NEDD4L: variants seen among roughly 807,000 people sequenced by gnomAD.
NEDD4L encodes NEDD4 like E3 ubiquitin protein ligase.
Under a neutral mutation model 148.9 loss-of-function variants are expected in NEDD4L, and 54 were observed. The observed-to-expected ratio is 0.36, with a 90% CI of 0.29 to 0.45. NEDD4L has a LOEUF of 0.45. Among genes scored for constraint, NEDD4L ranks in the 20% least tolerant of loss-of-function variants. NEDD4L has a pLI of 1.00. For synonymous variants in NEDD4L, 433 were observed against 440.7 expected, an observed-to-expected ratio of 0.98 and a Z score of 0.22; for missense variants, 856 against 1,233.8, an observed-to-expected ratio of 0.69 and a Z score of 4.59.
chr18:58,323,395 A>C, intron 8 of NEDD4L, 61 bp downstream of exon 8: 6 of 890,614 alleles, frequency 6.7e-6, no homozygotes, highest in Non-Finnish European at 1.1e-5. Context: ...TTTTGCTTTC[A>C]AACTTTATAA....
intron 6 of NEDD4L, among the ~76,000 whole-genome samples, chr18:58,317,481 T>G (rs2058397893): frequency 6.6e-6 from 1 of 152,150 alleles, no homozygotes. Context: ...AAAAACCACA[T>G]CTTGGCCAGG....
chr18:58,288,428 TTATG>T (rs1482957800), intron 5 of NEDD4L, among the ~76,000 whole-genome samples: 4 of 152,214 alleles, frequency 2.6e-5, no homozygotes, highest in Non-Finnish European at 5.9e-5. Flanking sequence ...ATCAGACAGT[TTATG>T]TAAGACTTTA....
At chr18:58,327,501 T>C (rs924782310) in intron 9 of NEDD4L, among the ~76,000 whole-genome samples, 4 of 152,228 alleles carry the variant, frequency 2.6e-5, no homozygotes, top group South Asian at 2.1e-4. Context: ...AGGGAGAGGC[T>C]GAGCCAGGAA....
chr18:58,376,534 A>G (rs976851097), intron 24 of NEDD4L, among the ~76,000 whole-genome samples: 7 of 152,176 alleles, frequency 4.6e-5, no homozygotes, highest in Admixed American at 2.6e-4. Flanking sequence ...TATCCAGTCC[A>G]TCAGCGAGTT....
At chr18:58,237,511 G>A (rs1240569309) in intron 2 of NEDD4L, among the ~76,000 whole-genome samples, 1 of 152,098 alleles carries the variant, frequency 6.6e-6, no homozygotes, top group African/African-American at 2.4e-5. Context: ...GGTGACTGAA[G>A]GGATATTTCA....
chr18:58,092,706 G>A (rs981045044), intron 1 of NEDD4L, among the ~76,000 whole-genome samples: 2 of 151,610 alleles, frequency 1.3e-5, no homozygotes, highest in African/African-American at 2.4e-5. Context: ...AGAAGAGTTC[G>A]TGTAAGAGCA....
chr18:58,062,501 C>A (rs2144714978), intron 1 of NEDD4L, among the ~76,000 whole-genome samples: 1 of 152,200 alleles, frequency 6.6e-6, no homozygotes, highest in Non-Finnish European at 1.5e-5. Context: ...CAGATTAATA[C>A]AAAATCTGGT....
intron 6 of NEDD4L, among the ~76,000 whole-genome samples, chr18:58,321,000 A>C (rs1330568770): frequency 6.6e-6 from 1 of 152,178 alleles, no homozygotes; most frequent in Non-Finnish European, 1.5e-5. Flanking sequence ...TACTTCATTC[A>C]ATGATAGTGA....
intron 5 of NEDD4L, among the ~76,000 whole-genome samples, chr18:58,278,885 T>A (rs952321808): frequency 4.6e-5 from 7 of 152,226 alleles, no homozygotes; most frequent in Admixed American, 3.3e-4. Flanking sequence ...TTATTTATTT[T>A]TTTTGGGATA....
intron 1 of NEDD4L, among the ~76,000 whole-genome samples, chr18:58,094,704 A>G (rs1258028318): frequency 6.6e-6 from 1 of 151,006 alleles, no homozygotes; most frequent in Non-Finnish European, 1.5e-5. Flanking sequence ...GATGGCCCCA[A>G]CATCATTTTG....
At position 58,142,434 on chromosome 18, in the gene NEDD4L, C is replaced by T. The variant is rs182664586; in HGVS notation, c.49-23354C>T. On this transcript the variant is annotated intron_variant, in intron 1 of 30. Transcript: ENST00000400345. ...AACCTATGTAATTTTCTTCAGCTTT[C>T]AGAAGGAATGTCTTGTATCTTCCTA... 3.6e-3 allele frequency among the ~76,000 whole-genome samples: 545 copies of T among 152,242 alleles called. 3 individuals are homozygous for T. The highest frequency in any genetic ancestry group is 6.0e-3 in the Non-Finnish European group (405 of 68,020).
intron 2 of NEDD4L, among the ~76,000 whole-genome samples, chr18:58,225,485 T>G (rs1364078435): frequency 2.6e-5 from 4 of 152,254 alleles, no homozygotes; most frequent in Non-Finnish European, 5.9e-5. Flanking sequence ...TTTGTTATGC[T>G]TGCGCACATC....
At chr18:58,377,366 A>T (rs2047700469) in intron 24 of NEDD4L, among the ~76,000 whole-genome samples, 1 of 152,210 alleles carries the variant, frequency 6.6e-6, no homozygotes, top group Non-Finnish European at 1.5e-5. Flanking sequence ...ACAGACATGC[A>T]GTCAGCCTTC....
At chr18:58,252,870 G>A (rs2048095045) in intron 5 of NEDD4L, among the ~76,000 whole-genome samples, 1 of 152,026 alleles carries the variant, frequency 6.6e-6, no homozygotes, top group African/African-American at 2.4e-5. Context: ...CACCATGCCT[G>A]GCCAGATTTC....
chr18:58,303,457 T>C (rs2056731982), intron 5 of NEDD4L, among the ~76,000 whole-genome samples: 2 of 152,212 alleles, frequency 1.3e-5, no homozygotes, highest in South Asian at 4.1e-4. Context: ...TAGCCCTATG[T>C]AGCCTGGCTC....
At chr18:58,066,489 T>A (rs1029682098) in intron 1 of NEDD4L, among the ~76,000 whole-genome samples, 1 of 148,340 alleles carries the variant, frequency 6.7e-6, no homozygotes, top group African/African-American at 2.4e-5. Context: ...AGGCTAACTT[T>A]TGTATTTTTA....
intron 1 of NEDD4L, among the ~76,000 whole-genome samples, chr18:58,133,678 C>G (rs2032470164): frequency 1.3e-5 from 2 of 152,150 alleles, no homozygotes; most frequent in African/African-American, 2.4e-5. Flanking sequence ...CTTATGCACA[C>G]ATCATGATGA....
intron 24 of NEDD4L, among the ~76,000 whole-genome samples, chr18:58,376,588 C>T (rs147208933): frequency 3.3e-4 from 50 of 152,254 alleles, no homozygotes; most frequent in Admixed American, 1.2e-3. Flanking sequence ...TGCATTCTGC[C>T]GATCTCTTCT....
At chr18:58,264,563 C>T (rs1020776519) in intron 5 of NEDD4L, among the ~76,000 whole-genome samples, 23 of 151,958 alleles carry the variant, frequency 1.5e-4, no homozygotes, top group Non-Finnish European at 8.8e-5. Flanking sequence ...TATGGGGGTA[C>T]ATGTGATATC....
Sources: allele counts gnomAD v4.1 joint callset (sites outside exome capture counted in the v4.1 genomes callset), GRCh38; gene constraint gnomAD v4.1.1; transcripts MANE v1.5; gene names NCBI Gene and HGNC (gene_info 2026-07-23, HGNC 2026-07-21).